DPYSL5: variants seen among roughly 807,000 people sequenced by gnomAD.
The protein encoded by DPYSL5 is dihydropyrimidinase-related protein 5.
Under a neutral mutation model 58.4 loss-of-function variants are expected in DPYSL5, and 9 were observed. That is an observed-to-expected ratio of 0.15 (90% CI 0.09 to 0.27). The LOEUF (loss-of-function observed/expected upper bound fraction) is 0.27, where lower values mean the gene tolerates loss of function less well. Ranked by LOEUF, DPYSL5 falls within the 10% of genes least tolerant of loss-of-function variation. The probability of loss-of-function intolerance (pLI) is 1.00; values close to 1 mark genes in which losing one functional copy is unlikely to be tolerated. For synonymous variants in DPYSL5, 293 were observed against 301.9 expected (o/e 0.97, Z 0.31); for missense variants, 499 against 770.6 (o/e 0.65, Z 4.17).
At chr2:26,887,999 A>G (rs1009773474) in intron 1 of DPYSL5, among the ~76,000 whole-genome samples, 10 of 152,196 alleles carry the variant, frequency 6.6e-5, no homozygotes, top group African/African-American at 2.2e-4. Flanking sequence ...CCCTGAATAA[A>G]CTGTAAACAT....
At chr2:26,909,293 T>G (rs1335875681) in intron 2 of DPYSL5, among the ~76,000 whole-genome samples, 1 of 152,124 alleles carries the variant, frequency 6.6e-6, no homozygotes, top group Non-Finnish European at 1.5e-5. Flanking sequence ...TGTTTCTCAC[T>G]CATATTGCAC....
At chr2:26,921,482 T>C (rs1390776382) in intron 2 of DPYSL5, among the ~76,000 whole-genome samples, 1 of 152,248 alleles carries the variant, frequency 6.6e-6, no homozygotes, top group African/African-American at 2.4e-5. Context: ...ACAATTGGGC[T>C]GTGCCTTGCT....
intron 6 of DPYSL5, 141 bp downstream of exon 6, chr2:26,931,825 T>A: frequency 1.2e-6 from 1 of 805,368 alleles, no homozygotes; most frequent in Non-Finnish European, 2.0e-6. Context: ...CTGGCCAACA[T>A]GGTGAAACCC....
intron 1 of DPYSL5, among the ~76,000 whole-genome samples, chr2:26,890,648 G>A (rs1663855324): frequency 6.6e-6 from 1 of 152,218 alleles, no homozygotes; most frequent in Non-Finnish European, 1.5e-5. Flanking sequence ...TATGGCTCAA[G>A]GCTAGATGCT....
rs955948173 is a variant in DPYSL5 at position 26,924,795 on chromosome 2, C to G, written c.262-92C>G. ...CAGCCTCTTGTGAGGCAGGGCCTGT[C>G]TTTGAATGGACCATGAGGACCATGT... On this transcript the variant is annotated intron_variant, in intron 2 of 12. Transcript: ENST00000288699. The surrounding 1 kb of genome is among the most constrained non-coding windows in gnomAD (Gnocchi z 4.7). 1.5e-5 allele frequency: 23 copies of G among 1,495,720 alleles called. No individual in the cohort carries two copies. The highest frequency in any genetic ancestry group is 2.0e-5 in the Non-Finnish European group (22 of 1,115,888). 92.7% of individuals were successfully genotyped at this position (1,495,720 alleles called of 1,614,324 possible).
intron 1 of DPYSL5, among the ~76,000 whole-genome samples, chr2:26,888,314 C>T (rs1459607117): frequency 1.4e-5 from 2 of 145,858 alleles, no homozygotes; most frequent in Non-Finnish European, 3.0e-5. Flanking sequence ...GTCTCCCAGG[C>T]TGGAGTGCAG....
intron 5 of DPYSL5, among the ~76,000 whole-genome samples, chr2:26,930,907 G>T (rs1664954565): frequency 6.6e-6 from 1 of 151,376 alleles, no homozygotes; most frequent in Non-Finnish European, 1.5e-5. Context: ...CCAGGAGGCG[G>T]AGCTTGCAGT....
At chr2:26,887,382 A>G (rs573514639) in intron 1 of DPYSL5, among the ~76,000 whole-genome samples, 7 of 152,348 alleles carry the variant, frequency 4.6e-5, no homozygotes, top group Middle Eastern at 3.4e-3. Flanking sequence ...AGTTGTTGGC[A>G]GGGGCAGCCG....
At chr2:26,874,211 C>T (rs967633322) in intron 1 of DPYSL5, among the ~76,000 whole-genome samples, 1 of 152,120 alleles carries the variant, frequency 6.6e-6, no homozygotes, top group Non-Finnish European at 1.5e-5. Flanking sequence ...TTATCCCAGT[C>T]TATGGCTTGC....
intron 2 of DPYSL5, among the ~76,000 whole-genome samples, chr2:26,918,295 T>A (rs1175748244): frequency 6.6e-6 from 1 of 152,164 alleles, no homozygotes; most frequent in Non-Finnish European, 1.5e-5. Flanking sequence ...CAGGCATGGT[T>A]CCAGGTACCA....
At position 26,933,299 on chromosome 2, in the gene DPYSL5, G is replaced by A. The variant is rs189492736; in HGVS notation, c.756G>A (p.Ser252=). 32 of 1,614,120 alleles carry A rather than the reference G, an allele frequency of 2.0e-5. No homozygotes were observed. Among genetic ancestry groups the A allele is most frequent in the East Asian group, 1.6e-4 (7 of 44,884 alleles). The part of the protein sequence containing the change: ...PIYLVNVSSI[S]AGDVIAAAKM... Reference sequence around the variant, plus strand: ...ACCTGGTCAACGTGTCCAGTATCTCGGCTGGTGACGTTATCGCAGCTGCTA... The same window carrying A: ...ACCTGGTCAACGTGTCCAGTATCTCAGCTGGTGACGTTATCGCAGCTGCTA... Residue 252 remains serine, a synonymous_variant, in exon 7 of 13, where the codon TCG becomes TCA. Transcript: ENST00000288699. This position sits in a 1 kb window ranked among gnomAD's most constrained non-coding sequence, Gnocchi z 4.2.
intron 1 of DPYSL5, among the ~76,000 whole-genome samples, chr2:26,869,493 CTCAAAATAGA>C (rs1405538034): frequency 6.6e-6 from 1 of 152,134 alleles, no homozygotes; most frequent in African/African-American, 2.4e-5. Context: ...GCAGCCACTG[CTCAAAATAGA>C]TCAAAATAGA....
At chr2:26,916,304 G>A (rs916642182) in intron 2 of DPYSL5, among the ~76,000 whole-genome samples, 3 of 152,168 alleles carry the variant, frequency 2.0e-5, no homozygotes, top group Admixed American at 6.5e-5. Context: ...CAGTGTTCAT[G>A]TTCTTCCTCT....
chr2:26,895,355 A>G (rs1341839274), intron 1 of DPYSL5, among the ~76,000 whole-genome samples: 3 of 152,234 alleles, frequency 2.0e-5, no homozygotes, highest in African/African-American at 7.2e-5. Flanking sequence ...ATCCATGAAC[A>G]TGGTATGTCT....
intron 2 of DPYSL5, among the ~76,000 whole-genome samples, chr2:26,911,679 G>C (rs2148147415): frequency 6.6e-6 from 1 of 152,230 alleles, no homozygotes; most frequent in South Asian, 2.1e-4. Flanking sequence ...GACTAGATTG[G>C]GATTAAACTT....
intron 1 of DPYSL5, among the ~76,000 whole-genome samples, chr2:26,883,517 G>A (rs1200295258): frequency 1.3e-5 from 2 of 152,128 alleles, no homozygotes; most frequent in African/African-American, 4.8e-5. Context: ...TCCCACCTCA[G>A]CCTTCCAAAT....
At chr2:26,915,207 C>T (rs1296892945) in intron 2 of DPYSL5, among the ~76,000 whole-genome samples, 8 of 152,138 alleles carry the variant, frequency 5.3e-5, no homozygotes, top group Non-Finnish European at 1.2e-4. Context: ...GTCCTCCATA[C>T]AACCCCACTC....
Position 26,924,866 on chromosome 2 carries a change from T to G in DPYSL5, c.262-21T>G. The stretch of plus-strand genomic sequence containing the variant: ...GGGGCAGGCAGGGCTGTGACGAGAC[T>G]GCCTTTTCCCGTCTTCCCAGGCAGC... On this transcript the variant is annotated intron_variant, in intron 2 of 12. Coordinates refer to ENST00000288699, the MANE Select transcript of DPYSL5 (RefSeq NM_020134.4). This position sits in a 1 kb window ranked among gnomAD's most constrained non-coding sequence, Gnocchi z 4.7. 6.2e-7 allele frequency: 1 copy of G among 1,610,604 alleles called. No homozygotes were observed. Among genetic ancestry groups the G allele is most frequent in the South Asian group, 1.1e-5 (1 of 90,456 alleles).
rs200821616 is a variant in DPYSL5 at position 26,941,721 on chromosome 2, C to T, written c.1090-229C>T. 4.6e-5 allele frequency among the ~76,000 whole-genome samples: 7 copies of T among 152,318 alleles called. No homozygotes were observed. The East Asian group carries it at 1.3e-3, about 29-fold the overall frequency. On this transcript the variant is annotated intron_variant, in intron 9 of 12. Transcript: ENST00000288699. ...CCCGGGCAGGAAGCCTGAATGGAACCACGGCCACTCACCATAGTTGCTGGG... is the reference window on the plus strand; with the variant it reads ...CCCGGGCAGGAAGCCTGAATGGAACTACGGCCACTCACCATAGTTGCTGGG...
Sources: allele counts gnomAD v4.1 joint callset (sites outside exome capture counted in the v4.1 genomes callset), GRCh38; gene constraint gnomAD v4.1.1; non-coding constraint Gnocchi (gnomAD v3.1); transcripts MANE v1.5; gene names NCBI Gene and HGNC (gene_info 2026-07-23, HGNC 2026-07-21).